MAPK14: variants seen among roughly 807,000 people sequenced by gnomAD.
MAPK14 encodes the protein mitogen-activated protein kinase 14, also known as CSAID-binding protein.
Under a neutral mutation model 49.6 loss-of-function variants are expected in MAPK14, and 16 were observed. The observed-to-expected ratio is 0.32, with a 90% CI of 0.22 to 0.49. The LOEUF (loss-of-function observed/expected upper bound fraction) is 0.49, where lower values mean the gene tolerates loss of function less well. Among genes scored for constraint, MAPK14 ranks in the 20% least tolerant of loss-of-function variants. The pLI, the probability that MAPK14 is intolerant of heterozygous loss-of-function variation, is 0.99. For missense variants in MAPK14, 200 were observed against 441.2 expected (o/e 0.45, Z 4.90); for synonymous variants, 142 against 158.0 (o/e 0.90, Z 0.76).
the MAPK14 span, among the ~76,000 whole-genome samples, chr6:36,117,172 G>A: frequency 4.6e-5 from 7 of 152,060 alleles, no homozygotes; most frequent in Non-Finnish European, 5.9e-5. Flanking sequence ...CCTTGCCCTC[G>A]CTTCTCTACT....
chr6:36,093,741 A>C (rs1032009209), intron 8 of MAPK14, among the ~76,000 whole-genome samples: 6 of 151,614 alleles, frequency 4.0e-5, no homozygotes, highest in South Asian at 2.1e-4. Context: ...AAAAAAAAAA[A>C]AACAACTGAC....
intron 3 of MAPK14, among the ~76,000 whole-genome samples, chr6:36,071,178 C>G (rs1217476642): frequency 6.6e-6 from 1 of 151,766 alleles, no homozygotes; most frequent in Non-Finnish European, 1.5e-5. Context: ...ACTAAAAATA[C>G]AAAAATTAGC....
intron 8 of MAPK14, among the ~76,000 whole-genome samples, chr6:36,079,186 A>G (rs531675988): frequency 6.6e-6 from 1 of 152,340 alleles, no homozygotes; most frequent in South Asian, 2.1e-4. Context: ...TTTTTAATAG[A>G]TGGGGAAACC....
At chr6:36,080,529 A>AT in intron 8 of MAPK14, among the ~76,000 whole-genome samples, 1 of 152,292 alleles carries the variant, frequency 6.6e-6, no homozygotes, top group East Asian at 1.9e-4. Flanking sequence ...ATGATGTAGC[A>AT]TGTATCAGAA....
chr6:36,046,349 CATAAAG>C, intron 1 of MAPK14, among the ~76,000 whole-genome samples: 1 of 152,252 alleles, frequency 6.6e-6, no homozygotes, highest in South Asian at 2.1e-4. Context: ...ACCTGTTTAT[CATAAAG>C]ATAATTTCAT....
At chr6:36,105,498 C>G (rs574839743) in intron 10 of MAPK14, among the ~76,000 whole-genome samples, 1 of 152,062 alleles carries the variant, frequency 6.6e-6, no homozygotes, top group Admixed American at 6.5e-5. Context: ...AGAGACTTGT[C>G]GTATAATCTG....
At chr6:36,067,140 A>G (rs1209592966) in intron 3 of MAPK14, among the ~76,000 whole-genome samples, 1 of 152,142 alleles carries the variant, frequency 6.6e-6, no homozygotes, top group African/African-American at 2.4e-5. Context: ...TAAGTTACAT[A>G]TCTCTTAAGA....
chr6:36,044,029 C>T (rs1763075531), intron 1 of MAPK14, among the ~76,000 whole-genome samples: 1 of 151,712 alleles, frequency 6.6e-6, no homozygotes. Flanking sequence ...AGGCTGGTCG[C>T]GAATACCCAA....
chr6:36,027,913 T>G lies in MAPK14; in HGVS notation c.-245T>G, dbSNP rs935106892. The G allele has an allele frequency of 9.6e-6, 4 of 415,304 alleles. No homozygotes were observed. The highest frequency in any genetic ancestry group is 1.7e-5 in the Non-Finnish European group (4 of 238,194). The allele number at this position is 415,304 out of a possible 1,614,324, so 25.7% of individuals were successfully genotyped here. On this transcript the variant is annotated 5_prime_UTR_variant, in exon 1 of 12. Coordinates refer to ENST00000229794, the MANE Select transcript of MAPK14 (RefSeq NM_139012.3). ...CAGGGAGATCGCGGCGGGCGCAGTC[T>G]TGAGCGCCGGAGCGCGTCCCTGCCC...
At chr6:36,082,593 AG>A (rs1381855149) in intron 8 of MAPK14, among the ~76,000 whole-genome samples, 1 of 152,186 alleles carries the variant, frequency 6.6e-6, no homozygotes, top group African/African-American at 2.4e-5. Context: ...ATGTCAAAGG[AG>A]GGAGCAAGAG....
At chr6:36,081,351 T>G (rs975483981) in intron 8 of MAPK14, among the ~76,000 whole-genome samples, 2 of 152,154 alleles carry the variant, frequency 1.3e-5, no homozygotes, top group Admixed American at 6.5e-5. Context: ...TGATCCATTT[T>G]GAATTAATTT....
intron 1 of MAPK14, among the ~76,000 whole-genome samples, chr6:36,045,808 CAAAAAAAA>C (rs371920281): frequency 2.2e-5 from 1 of 46,404 alleles, no homozygotes; most frequent in Admixed American, 2.4e-4. Flanking sequence ...GACTCTGTCT[CAAAAAAAA>C]AAAAAAAAAA....
chr6:36,041,822 G>T (rs1762971845), intron 1 of MAPK14, among the ~76,000 whole-genome samples: 1 of 152,170 alleles, frequency 6.6e-6, no homozygotes, highest in Non-Finnish European at 1.5e-5. Context: ...AAATTTGCCA[G>T]TCGTCCATCA....
chr6:36,042,964 A>G (rs917544448), intron 1 of MAPK14, among the ~76,000 whole-genome samples: 4 of 152,078 alleles, frequency 2.6e-5, no homozygotes, highest in Non-Finnish European at 5.9e-5. Flanking sequence ...TCTACCAAAA[A>G]TATAAAAAAA....
chr6:36,123,473 G>C, the MAPK14 span, among the ~76,000 whole-genome samples: 1 of 152,180 alleles, frequency 6.6e-6, no homozygotes, highest in Non-Finnish European at 1.5e-5. Flanking sequence ...CCCTGTGGTA[G>C]GCTAGCCAAG....
chr6:36,059,176 C>G, intron 2 of MAPK14, 113 bp from the exon 3 acceptor site: 1 of 633,888 alleles, frequency 1.6e-6, no homozygotes, highest in Admixed American at 3.0e-5. Context: ...AGGCGTGAGC[C>G]ACTGCTCCCG....
At chr6:36,069,776 ACTGGTAACCAT>A (rs1240303895) in intron 3 of MAPK14, among the ~76,000 whole-genome samples, 1 of 152,048 alleles carries the variant, frequency 6.6e-6, no homozygotes, top group Non-Finnish European at 1.5e-5. Context: ...TTCTTAACTC[ACTGGTAACCAT>A]TTACACATAA....
At chr6:36,108,273 C>T (rs1765859542) in intron 11 of MAPK14, 107 bp from the exon 12 acceptor site, 1 of 812,522 alleles carries the variant, frequency 1.2e-6, no homozygotes, top group Non-Finnish European at 2.1e-6. Context: ...CCCATCAAAC[C>T]ACTACCTGGA....
intron 3 of MAPK14, among the ~76,000 whole-genome samples, chr6:36,068,124 A>G (rs1764132718): frequency 6.6e-6 from 1 of 152,032 alleles, no homozygotes; most frequent in Admixed American, 6.6e-5. Flanking sequence ...ATTTTGAGCA[A>G]AAGTGTGAAG....
Sources: allele counts gnomAD v4.1 joint callset (sites outside exome capture counted in the v4.1 genomes callset), GRCh38; gene constraint gnomAD v4.1.1; transcripts MANE v1.5; gene names NCBI Gene and HGNC (gene_info 2026-07-23, HGNC 2026-07-21).